CDC20B: variants seen among roughly 807,000 people sequenced by gnomAD.
CDC20B encodes the protein cell division cycle protein 20 homolog B.
Under a neutral mutation model 64.1 loss-of-function variants are expected in CDC20B, and 58 were observed. The ratio of observed to expected loss-of-function variants is 0.90; its 90% CI spans 0.73 to 1.13. The LOEUF is 1.13. Ranked by LOEUF, CDC20B falls within the 50% of genes most tolerant of loss-of-function variation. The probability of loss-of-function intolerance (pLI) is 0.00; values close to 1 mark genes in which losing one functional copy is unlikely to be tolerated. For missense variants in CDC20B, 597 were observed against 633.0 expected (o/e 0.94, Z 0.61); for synonymous variants, 243 against 230.6 (o/e 1.05, Z -0.49).
Position 55,114,785 on chromosome 5 carries a change from G to A in CDC20B, c.1460-467C>T, listed in dbSNP as rs184425681. Among the ~76,000 whole-genome samples the A allele has an allele frequency of 2.0e-5, 3 of 152,204 alleles. No individual in the cohort carries two copies. Among genetic ancestry groups the A allele is most frequent in the African/African-American group, 7.2e-5 (3 of 41,514 alleles). ...CTCTTCTGTGTGTCTTTTCTCCTCT[G>A]TGTGTCTCTCACAAGGATACTTGCC... On this transcript the variant is annotated intron_variant, in intron 11 of 11. Transcript: ENST00000381375. This position sits in a 1 kb window ranked among gnomAD's most constrained non-coding sequence, Gnocchi z 4.1.
At chr5:55,157,240 A>G (rs1231817190) in intron 2 of CDC20B, among the ~76,000 whole-genome samples, 1 of 152,192 alleles carries the variant, frequency 6.6e-6, no homozygotes, top group African/African-American at 2.4e-5. Context: ...GTATAGTCTG[A>G]GAATAGAGTT....
Position 55,143,640 on chromosome 5 carries a change from G to C in CDC20B, c.359C>G (p.Ser120Cys). The C allele has an allele frequency of 6.3e-7, 1 of 1,579,738 alleles. No homozygotes were observed. The highest frequency in any genetic ancestry group is 1.9e-5 in the Admixed American group (1 of 51,936). Reference sequence around the variant, plus strand: ...GGGGGTCTTCAGTTGTTCTTTGCGGGATCCTACAAGAAAGACATTTATCTT... The same window carrying C: ...GGGGGTCTTCAGTTGTTCTTTGCGGCATCCTACAAGAAAGACATTTATCTT... ...PPEKETLTLG[S>C]RKEQLKTPSK... Residue 120 changes from serine to cysteine, a missense_variant, in exon 4 of 12, where the codon TCC becomes TGC. Ser to Cys is a moderately radical substitution (Grantham distance 112). Around this residue, in one of 3 missense-constraint regions of CDC20B, gnomAD observed 241 missense variants for 219.2 expected, o/e 1.10. Transcript: ENST00000381375.
At chr5:55,148,973 G>T (rs1743582387) in intron 2 of CDC20B, among the ~76,000 whole-genome samples, 1 of 152,182 alleles carries the variant, frequency 6.6e-6, no homozygotes, top group African/African-American at 2.4e-5. Flanking sequence ...CAGAGTCCAG[G>T]CTCTCAACTG....
Position 55,128,564 on chromosome 5 carries a change from A to C in CDC20B, c.751T>G (p.Ser251Ala). The C allele has an allele frequency of 6.3e-7, 1 of 1,589,208 alleles. No homozygotes were observed. The highest frequency in any genetic ancestry group is 8.5e-7 in the Non-Finnish European group (1 of 1,174,034). ...FQNLVAIALG[S>A]AVYIWNGENH... ...TCCCCATTCCAGATGTATACAGCAG[A>C]GCCCAGGGCTATGGCAACAAGATTC... is the stretch of plus-strand genomic sequence containing the variant. Residue 251 changes from serine (S) to alanine (A), a missense_variant, in exon 7 of 12, where the codon TCT (serine) becomes GCT (alanine). Ser to Ala is a moderately conservative substitution (Grantham distance 99). Coordinates refer to ENST00000381375, the MANE Select transcript of CDC20B (RefSeq NM_001170402.1).
chr5:55,163,456 C>G (rs1189290702), intron 2 of CDC20B, among the ~76,000 whole-genome samples: 2 of 152,070 alleles, frequency 1.3e-5, no homozygotes, highest in African/African-American at 2.4e-5. Context: ...TGTGGTGGCA[C>G]ACACCTGTAA....
chr5:55,114,400 G>T lies in CDC20B; in HGVS notation c.1460-82C>A. The T allele has an allele frequency of 1.3e-6, 2 of 1,536,852 alleles. No individual in the cohort carries two copies. The highest frequency in any genetic ancestry group is 1.3e-5 in the South Asian group (1 of 78,364). ...AGGACTGTAGGCAATGTAAGTTGGG[G>T]CCATGAGTCCCATCCCAGGATAAAG... On this transcript the variant is annotated intron_variant, in intron 11 of 11. Transcript: ENST00000381375. This position sits in a 1 kb window ranked among gnomAD's most constrained non-coding sequence, Gnocchi z 4.1.
intron 2 of CDC20B, among the ~76,000 whole-genome samples, chr5:55,154,891 A>G (rs1043873349): frequency 6.6e-6 from 1 of 152,232 alleles, no homozygotes; most frequent in Non-Finnish European, 1.5e-5. Context: ...TGTTAAGCAA[A>G]TAAACGATAT....
chr5:55,149,223 T>C (rs560018478), intron 2 of CDC20B, among the ~76,000 whole-genome samples: 2 of 152,178 alleles, frequency 1.3e-5, no homozygotes, highest in African/African-American at 4.8e-5. Flanking sequence ...CTAATAAGCA[T>C]TGGTAAGGAT....
intron 2 of CDC20B, chr5:55,160,234 C>T: frequency 1.2e-6 from 2 of 1,614,124 alleles, no homozygotes; most frequent in Non-Finnish European, 1.7e-6. Flanking sequence ...GTTCCGGGCC[C>T]AGAGCAAAGG....
chr5:55,147,908 A>T (rs1743542701), intron 2 of CDC20B, among the ~76,000 whole-genome samples: 1 of 152,220 alleles, frequency 6.6e-6, no homozygotes, highest in Non-Finnish European at 1.5e-5. Flanking sequence ...TAGAGAAAGT[A>T]AGTGATTTGC....
At chr5:55,150,577 T>A (rs1479018484) in intron 2 of CDC20B, among the ~76,000 whole-genome samples, 2 of 152,142 alleles carry the variant, frequency 1.3e-5, no homozygotes, top group South Asian at 4.1e-4. Flanking sequence ...GGGGTCAGTT[T>A]TTCTGTCTTG....
chr5:55,127,972 A>G (rs927284236), intron 7 of CDC20B, among the ~76,000 whole-genome samples: 1 of 152,210 alleles, frequency 6.6e-6, no homozygotes, highest in Non-Finnish European at 1.5e-5. Context: ...GTAATAAACA[A>G]TAATAATGAT....
Position 55,146,800 on chromosome 5 carries a change from C to G in CDC20B, c.183G>C (p.Arg61Ser). 1 of 1,614,130 alleles carries G rather than the reference C, an allele frequency of 6.2e-7. No individual in the cohort carries two copies. Among genetic ancestry groups the G allele is most frequent in the East Asian group, 2.2e-5 (1 of 44,878 alleles). ...YSDFKSNFAK[R>S]LSAEVPVASS... ...TCGCAACAGGAACCTCTGCGGACAG[C>G]CTCTTCGCAAAGTTGCTCTTAAAGT... The change falls in exon 3 of 12, where the codon AGG becomes AGC. Residue 61 changes from arginine to serine, a missense_variant. Physicochemically the swap from Arg to Ser is moderately radical, Grantham distance 110 (BLOSUM62 -1). Coordinates refer to ENST00000381375, the MANE Select transcript of CDC20B (RefSeq NM_001170402.1).
intron 2 of CDC20B, chr5:55,170,757 G>T (rs533312962): frequency 1.9e-6 from 1 of 515,510 alleles, no homozygotes; most frequent in Admixed American, 2.0e-5. Context: ...CGATTCTCGT[G>T]GCCCAGGCAG....
intron 11 of CDC20B, among the ~76,000 whole-genome samples, chr5:55,115,997 G>A (rs384818): frequency 0.17 from 25,583 of 152,002 alleles, 2,451 homozygotes; most frequent in South Asian, 0.3. Flanking sequence ...CATTTATAAC[G>A]ACAATGCAGG....
At chr5:55,129,020 C>T (rs1321541576) in intron 6 of CDC20B, among the ~76,000 whole-genome samples, 1 of 152,178 alleles carries the variant, frequency 6.6e-6, no homozygotes, top group African/African-American at 2.4e-5. Context: ...TAACCAAAAA[C>T]ACCACCCAGC....
chr5:55,120,014 C>T, intron 10 of CDC20B, 96 bp from the exon 11 acceptor site: 1 of 867,334 alleles, frequency 1.2e-6, no homozygotes, highest in Non-Finnish European at 1.9e-6. Flanking sequence ...GTCCATGACC[C>T]AACCTCCAGT....
chr5:55,114,682 C>T lies in CDC20B; in HGVS notation c.1460-364G>A, dbSNP rs923846800. 6.6e-6 allele frequency among the ~76,000 whole-genome samples: 1 copy of T among 152,136 alleles called. No homozygotes were observed. Among genetic ancestry groups the T allele is most frequent in the Admixed American group, 6.5e-5 (1 of 15,270 alleles). ...CCCTAGGGAGGCTCTCGAGGGGATTCCATGCTTTGCAGCTATTGGCAGTCA... is the reference window on the plus strand; with the variant it reads ...CCCTAGGGAGGCTCTCGAGGGGATTTCATGCTTTGCAGCTATTGGCAGTCA... On this transcript the variant is annotated intron_variant, in intron 11 of 11. Coordinates refer to ENST00000381375, the MANE Select transcript of CDC20B (RefSeq NM_001170402.1). The surrounding 1 kb of genome is among the most constrained non-coding windows in gnomAD (Gnocchi z 4.1).
At chr5:55,169,951 A>C (rs550885498) in intron 2 of CDC20B, among the ~76,000 whole-genome samples, 1 of 152,248 alleles carries the variant, frequency 6.6e-6, no homozygotes, top group Admixed American at 6.5e-5. Flanking sequence ...GTCTCTACTA[A>C]AAATACAAAA....
Sources: allele counts gnomAD v4.1 joint callset (sites outside exome capture counted in the v4.1 genomes callset), GRCh38; gene constraint gnomAD v4.1.1; regional missense constraint gnomAD v4.1.1; non-coding constraint Gnocchi (gnomAD v3.1); transcripts MANE v1.5; gene names NCBI Gene and HGNC (gene_info 2026-07-23, HGNC 2026-07-21).